HEATR6: variants seen among roughly 807,000 people sequenced by gnomAD.
HEATR6 encodes the protein HEAT repeat-containing protein 6.
A neutral mutation model predicts 132.8 loss-of-function variants in HEATR6; 106 were observed. The ratio of observed to expected loss-of-function variants is 0.80; its 90% CI spans 0.68 to 0.94. The LOEUF is 0.94. Among genes scored for constraint, HEATR6 ranks in the 40% least tolerant of loss-of-function variants. HEATR6 has a pLI of 0.00. For missense variants in HEATR6, 1,339 were observed against 1,425.1 expected (o/e 0.94, Z 0.97); for synonymous variants, 529 against 537.8 (o/e 0.98, Z 0.23).
rs560889014 is a variant in HEATR6 at position 60,042,209 on chromosome 17, C to T, written c.*1354G>A. 2.6e-5 allele frequency among the ~76,000 whole-genome samples: 4 copies of T among 152,312 alleles called. No homozygotes were observed. Among genetic ancestry groups the T allele is most frequent in the East Asian group, 3.9e-4 (2 of 5,188 alleles). ...ATGTAGGTAGAAGTCAATGTTGTAGCCTAGGTTAGAAGGCCCTGCTTGCTG... is the reference window on the plus strand; with the variant it reads ...ATGTAGGTAGAAGTCAATGTTGTAGTCTAGGTTAGAAGGCCCTGCTTGCTG... On this transcript the variant is annotated 3_prime_UTR_variant, in exon 20 of 20. Coordinates refer to ENST00000184956, the MANE Select transcript of HEATR6 (RefSeq NM_022070.5).
rs1414991104 is a variant in HEATR6 at position 60,057,094 on chromosome 17, G to C, written c.2033C>G (p.Ala678Gly). The C allele has an allele frequency of 6.8e-6, 11 of 1,613,498 alleles. No individual in the cohort carries two copies. Among genetic ancestry groups the C allele is most frequent in the Non-Finnish European group, 9.3e-6 (11 of 1,179,604 alleles). ...SCSGSDAGSA[A>G]GSTYEPSPMR... ...GGGGGATGGTTCGTAGGTGCTTCCT[G>C]CTGCAGAGCCAGCATCGCTACCTGA... Residue 678 changes from alanine (A) to glycine (G), a missense_variant, in exon 12 of 20, where the codon GCA (alanine) becomes GGA (glycine). Coordinates refer to ENST00000184956, the MANE Select transcript of HEATR6 (RefSeq NM_022070.5).
Position 60,049,122 on chromosome 17 carries a change from A to AGTGTGTGTGTGTGTGT in HEATR6, c.2547+442_2547+457dup, listed in dbSNP as rs531092208. Among the ~76,000 whole-genome samples the AGTGTGTGTGTGTGTGT allele has an allele frequency of 9.4e-3, 1,266 of 134,818 alleles. 15 individuals are homozygous for AGTGTGTGTGTGTGTGT. Among genetic ancestry groups the AGTGTGTGTGTGTGTGT allele is most frequent in the African/African-American group, 0.028 (1,026 of 36,146 alleles). The allele number at this position is 134,818 out of a possible 152,430, so 88.4% of individuals were successfully genotyped here. ...TATGTAGAGAGAGAGAGAGACAGAGAGTGTGTGTGTGTGTGTGTGTGTGTG... is the reference window on the plus strand; with the variant it reads ...TATGTAGAGAGAGAGAGAGACAGAGAGTGTGTGTGTGTGTGTGTGTGTGTGTGTGTGTGTGTGTGTG... On this transcript the variant is annotated intron_variant, in intron 16 of 19. Coordinates refer to ENST00000184956, the MANE Select transcript of HEATR6 (RefSeq NM_022070.5).
At position 60,058,080 on chromosome 17, in the gene HEATR6, T is replaced by C. The variant is rs1410582784; in HGVS notation, c.1724-677A>G. On this transcript the variant is annotated intron_variant, in intron 11 of 19. Transcript: ENST00000184956. ...CAGTTTTGTTCTTCTCTATCAATAT[T>C]GTGTTGGCTATTCCAGGTCTTTTGC... is the stretch of plus-strand genomic sequence containing the variant. Among the ~76,000 whole-genome samples, 5 of 152,242 alleles carry C rather than the reference T, an allele frequency of 3.3e-5. No homozygotes were observed. In the East Asian group the frequency reaches 9.6e-4, roughly 29 times the overall value.
intron 7 of HEATR6, 65 bp downstream of exon 7, chr17:60,069,646 G>C: frequency 6.7e-7 from 1 of 1,488,238 alleles, no homozygotes. Context: ...GCAAATCATA[G>C]AAAACACACA....
At chr17:60,053,860 G>A (rs1344854800) in intron 14 of HEATR6, among the ~76,000 whole-genome samples, 1 of 152,178 alleles carries the variant, frequency 6.6e-6, no homozygotes, top group Non-Finnish European at 1.5e-5. Context: ...CTTAAAGTTG[G>A]AACTTATCAT....
chr17:60,078,367 T>C (rs549802882), intron 1 of HEATR6, among the ~76,000 whole-genome samples: 2 of 152,312 alleles, frequency 1.3e-5, no homozygotes, highest in East Asian at 3.9e-4. Flanking sequence ...ACAGTAGTAA[T>C]GCATTTTGTC....
At chr17:60,046,351 A>T in intron 18 of HEATR6, 122 bp from the exon 19 acceptor site, 1 of 671,586 alleles carries the variant, frequency 1.5e-6, no homozygotes. Context: ...CTTGGAACTC[A>T]CAAGGTCTGC....
chr17:60,051,603 G>C (rs1359805697), intron 14 of HEATR6, among the ~76,000 whole-genome samples: 1 of 152,208 alleles, frequency 6.6e-6, no homozygotes, highest in African/African-American at 2.4e-5. Context: ...TCTGTTTTCA[G>C]CACTTTGAAG....
At position 60,043,671 on chromosome 17, in the gene HEATR6, A is replaced by G; in HGVS notation, c.3438T>C (p.Thr1146=). The G allele has an allele frequency of 6.2e-7, 1 of 1,614,126 alleles. No individual in the cohort carries two copies. ...LKHMGSIQAP[T]GDTARRAIMG... ...TGATGGCCCTTCTGGCTGTGTCTCC[A>G]GTTGGTGCCTGGATGCTGCCCATGT... Residue 1146 remains threonine, a synonymous_variant, in exon 20 of 20, where the codon ACT becomes ACC. Coordinates refer to ENST00000184956, the MANE Select transcript of HEATR6 (RefSeq NM_022070.5).
In HEATR6 at chr17:60,046,242, T is replaced by C. The variant is rs1384086819; in HGVS notation, c.2770-13A>G. 4 of 1,577,218 alleles carry C rather than the reference T, an allele frequency of 2.5e-6. No individual in the cohort carries two copies. Among genetic ancestry groups the C allele is most frequent in the Non-Finnish European group, 3.4e-6 (4 of 1,160,184 alleles). ...CATTGCTTTTTACCTAGAAAAAATG[T>C]AAATGCTTTAGAAATCTGTTTGGCC... On this transcript the variant is annotated splice_polypyrimidine_tract_variant and intron_variant, in intron 18 of 19. Coordinates refer to ENST00000184956, the MANE Select transcript of HEATR6 (RefSeq NM_022070.5).
chr17:60,050,898 G>T lies in HEATR6; in HGVS notation c.2369C>A (p.Ala790Glu). ...LQNSEHPTLQ[A>E]SACDALSSIL... ...GGAAGACAGGGCATCACAGGCGCTC[G>T]CCTGGAGAGTTGGGTGTTCTGAATT... Residue 790 changes from alanine (A) to glutamate (E), a missense_variant, in exon 15 of 20, where the codon GCG (alanine) becomes GAG (glutamate). By Grantham distance (107) the Ala-to-Glu change is moderately radical. Coordinates refer to ENST00000184956, the MANE Select transcript of HEATR6 (RefSeq NM_022070.5). The T allele has an allele frequency of 6.2e-7, 1 of 1,614,210 alleles. No homozygotes were observed. Among genetic ancestry groups the T allele is most frequent in the Non-Finnish European group, 8.5e-7 (1 of 1,180,026 alleles).
chr17:60,061,201 A>G (rs1016661348), intron 9 of HEATR6, among the ~76,000 whole-genome samples: 3 of 152,230 alleles, frequency 2.0e-5, no homozygotes, highest in Admixed American at 2.0e-4. Flanking sequence ...TATGAAGCAT[A>G]TCTGAGTTTG....
rs755892944 is a variant in HEATR6, at chr17:60,043,594, T to C, written c.3515A>G (p.Gln1172Arg). ...ATTTGTTAACCCTGGGAGTGCCCCT[T>C]GTGATCCAGATGAGTCAAAACAAAC... Reference protein sequence around the residue: ...LAVCFDSSGSQGALPGLTNQ With the variant: ...LAVCFDSSGSRGALPGLTNQ Residue 1172 changes from glutamine to arginine, a missense_variant, in exon 20 of 20, where the codon CAA becomes CGA. By Grantham distance (43) the Gln-to-Arg change is conservative. Coordinates refer to ENST00000184956, the MANE Select transcript of HEATR6 (RefSeq NM_022070.5). The C allele has an allele frequency of 1.9e-6, 3 of 1,613,564 alleles. No homozygotes were observed. Among genetic ancestry groups the C allele is most frequent in the Non-Finnish European group, 2.5e-6 (3 of 1,179,570 alleles).
intron 13 of HEATR6, 46 bp from the exon 14 acceptor site, chr17:60,055,647 A>G (rs1906718160): frequency 7.2e-7 from 1 of 1,383,894 alleles, no homozygotes; most frequent in Non-Finnish European, 1.0e-6. Flanking sequence ...GAACTAATGA[A>G]TGACTTCACT....
At chr17:60,050,180 A>C (rs575280751) in intron 15 of HEATR6, among the ~76,000 whole-genome samples, 1 of 152,056 alleles carries the variant, frequency 6.6e-6, no homozygotes, top group African/African-American at 2.4e-5. Context: ...TGCCCTTATG[A>C]TTGAGGCCCC....
intron 9 of HEATR6, among the ~76,000 whole-genome samples, chr17:60,060,535 C>A (rs2083204973): frequency 6.6e-6 from 1 of 152,100 alleles, no homozygotes; most frequent in Non-Finnish European, 1.5e-5. Flanking sequence ...AAATCCTAAG[C>A]ATGAGAATAA....
intron 9 of HEATR6, among the ~76,000 whole-genome samples, chr17:60,061,812 A>G (rs997010872): frequency 6.6e-6 from 1 of 152,266 alleles, no homozygotes; most frequent in African/African-American, 2.4e-5. Flanking sequence ...TCCCTACTAG[A>G]GGCTCGTCCG....
At chr17:60,071,725 A>G (rs1406352248) in intron 5 of HEATR6, among the ~76,000 whole-genome samples, 2 of 151,868 alleles carry the variant, frequency 1.3e-5, no homozygotes, top group East Asian at 1.9e-4. Context: ...TTACATATAG[A>G]AAAAAAAATC....
Position 60,059,929 on chromosome 17 carries a change from C to T in HEATR6, c.1584G>A (p.Val528=). ...TAACGGTCTGTGAGGATGACTCCGC[C>T]ACCAAAGCTAACAAAAGACATCTGT... ...ELHRCLLLAL[V]AESSSQTVTQ... is the part of the protein sequence containing the mutation. The change falls in exon 10 of 20, where the codon GTG becomes GTA. Residue 528 remains valine, a synonymous_variant. Coordinates refer to ENST00000184956, the MANE Select transcript of HEATR6 (RefSeq NM_022070.5). 6.2e-7 allele frequency: 1 copy of T among 1,613,782 alleles called. No homozygotes were observed. Among genetic ancestry groups the T allele is most frequent in the Non-Finnish European group, 8.5e-7 (1 of 1,179,798 alleles).
Sources: gnomAD v4.1 joint callset for allele counts (sites outside exome capture counted in the v4.1 genomes callset) on GRCh38, gnomAD v4.1.1 for gene constraint, MANE v1.5 for transcripts, NCBI Gene and HGNC (gene_info 2026-07-23, HGNC 2026-07-21) for gene names.